Variants in SPRED1 observed in about 807,000 individuals in gnomAD.
SPRED1 encodes the protein sprouty related EVH1 domain containing 1, also known as sprouty-related, EVH1 domain-containing protein 1.
Under a neutral mutation model 52.3 loss-of-function variants are expected in SPRED1, and 18 were observed. The ratio of observed to expected loss-of-function variants is 0.34; its 90% confidence interval spans 0.24 to 0.51. The LOEUF is 0.51. SPRED1 is among the 20% of genes least tolerant of loss of function. The probability of loss-of-function intolerance (pLI) is 0.97; values close to 1 mark genes in which losing one functional copy is unlikely to be tolerated. For synonymous variants in SPRED1, 155 were observed against 179.7 expected, an observed-to-expected ratio of 0.86 and a Z score of 1.10; for missense variants, 485 against 551.0, an observed-to-expected ratio of 0.88 and a Z score of 1.20.
In SPRED1 at chr15:38,339,813, C is replaced by T. The variant is rs1895994061; in HGVS notation, c.500C>T (p.Pro167Leu). The T allele has an allele frequency of 5.6e-6, 9 of 1,613,840 alleles. No individual in the cohort carries two copies. Among genetic ancestry groups the T allele is most frequent in the Non-Finnish European group, 5.9e-6 (7 of 1,179,880 alleles). The change falls in exon 5 of 7, where the codon CCT (proline) becomes CTT (leucine). Residue 167 changes from proline to leucine, a missense_variant. Physicochemically the swap from Pro to Leu is moderately conservative, Grantham distance 98. Around this residue, in one of 5 missense-constraint regions of SPRED1, gnomAD observed 232 missense variants for 231.8 expected, o/e 1.00. Coordinates refer to ENST00000299084, the MANE Select transcript of SPRED1 (RefSeq NM_152594.3). ...CAAGAGACAGTTGTTACCAGTGAGC[C>T]TTATAGAAGCTCAAATATAAGACCT... ...FQQETVVTSE[P>L]YRSSNIRPSP...
At chr15:38,308,939 C>T (rs1253806390) in intron 2 of SPRED1, among the ~76,000 whole-genome samples, 2 of 152,130 alleles carry the variant, frequency 1.3e-5, no homozygotes, top group African/African-American at 4.8e-5. Flanking sequence ...CACATTGCCA[C>T]CAGCGGTTTA....
At chr15:38,322,170 T>G in intron 2 of SPRED1, 71 bp from the exon 3 acceptor site, 1 of 1,443,770 alleles carries the variant, frequency 6.9e-7, no homozygotes, top group Non-Finnish European at 9.7e-7. Context: ...ATCACCTCAG[T>G]TTGTATTTAT....
intron 1 of SPRED1, among the ~76,000 whole-genome samples, chr15:38,298,147 AAAACGCTGTGGGATAC>A (rs1895075752): frequency 6.6e-6 from 1 of 152,186 alleles, no homozygotes; most frequent in Non-Finnish European, 1.5e-5. Context: ...ATAGAAATTT[AAAACGCTGTGGGATAC>A]CACTATATAC....
intron 1 of SPRED1, among the ~76,000 whole-genome samples, chr15:38,290,736 C>G (rs1038089609): frequency 2.6e-5 from 4 of 152,162 alleles, no homozygotes; most frequent in African/African-American, 9.7e-5. Context: ...TCTCCTGAGA[C>G]TTATTCCCTA....
chr15:38,266,890 G>A (rs1369882584), intron 1 of SPRED1, among the ~76,000 whole-genome samples: 2 of 151,984 alleles, frequency 1.3e-5, no homozygotes, highest in Admixed American at 6.6e-5. Context: ...TTTTGAGTCC[G>A]AACTGTGTTT....
At chr15:38,323,542 A>G (rs1441012326) in intron 3 of SPRED1, among the ~76,000 whole-genome samples, 1 of 151,950 alleles carries the variant, frequency 6.6e-6, no homozygotes, top group Non-Finnish European at 1.5e-5. Context: ...TTTTTCAAAA[A>G]CTCCAAGAAA....
intron 1 of SPRED1, among the ~76,000 whole-genome samples, chr15:38,279,019 G>C (rs547474062): frequency 1.3e-4 from 20 of 152,074 alleles, no homozygotes; most frequent in African/African-American, 4.3e-4. Context: ...CTAGAGACAG[G>C]GTTTCACCAT....
chr15:38,341,867 A>G (rs527299968), intron 5 of SPRED1, among the ~76,000 whole-genome samples: 102 of 152,064 alleles, frequency 6.7e-4, no homozygotes, highest in African/African-American at 2.3e-3. Flanking sequence ...TCATTATGAG[A>G]TATCCTCTTT....
intron 1 of SPRED1, among the ~76,000 whole-genome samples, chr15:38,272,040 A>G (rs1456500504): frequency 6.6e-6 from 1 of 152,094 alleles, no homozygotes; most frequent in East Asian, 1.9e-4. Flanking sequence ...ACTTAGGATA[A>G]TGGCCTCCAG....
chr15:38,297,676 AATT>A (rs1895066755), intron 1 of SPRED1, among the ~76,000 whole-genome samples: 1 of 49,538 alleles, frequency 2.0e-5, no homozygotes, highest in African/African-American at 6.4e-5. Flanking sequence ...ATGAAAATTC[AATT>A]ATTTCCCAGA....
chr15:38,299,978 G>A (rs951195202), intron 2 of SPRED1, among the ~76,000 whole-genome samples: 1 of 152,074 alleles, frequency 6.6e-6, no homozygotes, highest in African/African-American at 2.4e-5. Flanking sequence ...TAATAATTTT[G>A]TGTAACATAA....
chr15:38,333,970 A>C (rs1266477594), intron 4 of SPRED1, among the ~76,000 whole-genome samples: 2 of 152,116 alleles, frequency 1.3e-5, no homozygotes, highest in Admixed American at 1.3e-4. Flanking sequence ...CATACGGAGT[A>C]GGTTGATAAT....
rs1862245325 is a variant in SPRED1 at position 38,319,022 on chromosome 15, A to G, written c.208-3219A>G. Among the ~76,000 whole-genome samples the G allele has an allele frequency of 5.3e-5, 8 of 152,198 alleles. No individual in the cohort carries two copies. The South Asian group carries it at 8.3e-4, about 16-fold the overall frequency. ...TTTATTTGAGAGTTAATAGTTGAAA[A>G]TATTAATTTTGTAAAATAGAAGAGG... On this transcript the variant is annotated intron_variant, in intron 2 of 6. Transcript: ENST00000299084.
At chr15:38,327,375 TC>T (rs1895726741) in intron 4 of SPRED1, among the ~76,000 whole-genome samples, 1 of 152,196 alleles carries the variant, frequency 6.6e-6, no homozygotes, top group South Asian at 2.1e-4. Context: ...ATTCCCCTCT[TC>T]CTGAGTGTAG....
intron 1 of SPRED1, among the ~76,000 whole-genome samples, chr15:38,269,905 C>CTTTTTTT (rs10566946): frequency 3.3e-5 from 3 of 92,002 alleles, no homozygotes; most frequent in African/African-American, 7.7e-5. Context: ...TTCTTTCTTT[C>CTTTTTTT]TTTTTTTTTT....
At chr15:38,321,560 C>T (rs944532365) in intron 2 of SPRED1, among the ~76,000 whole-genome samples, 5 of 152,056 alleles carry the variant, frequency 3.3e-5, no homozygotes. Flanking sequence ...AATATAAATA[C>T]GTCTTTTAAG....
chr15:38,337,958 T>G (rs1168082190), intron 4 of SPRED1, among the ~76,000 whole-genome samples: 1 of 150,398 alleles, frequency 6.6e-6, no homozygotes, highest in Non-Finnish European at 1.5e-5. Context: ...CCCAGCACTT[T>G]GGGAGGCCGA....
At chr15:38,321,270 C>T (rs1277172305) in intron 2 of SPRED1, among the ~76,000 whole-genome samples, 1 of 152,060 alleles carries the variant, frequency 6.6e-6, no homozygotes, top group Non-Finnish European at 1.5e-5. Flanking sequence ...CAGGAATTTT[C>T]TGTGTTATTC....
intron 2 of SPRED1, among the ~76,000 whole-genome samples, chr15:38,314,642 G>A (rs1473922302): frequency 6.6e-6 from 1 of 151,814 alleles, no homozygotes; most frequent in East Asian, 1.9e-4. Flanking sequence ...TGGAGTATGG[G>A]AACTGTAGAT....
Sources: gnomAD v4.1 joint callset for allele counts (sites outside exome capture counted in the v4.1 genomes callset) on GRCh38, gnomAD v4.1.1 for gene constraint, gnomAD v4.1.1 regional missense constraint, MANE v1.5 for transcripts, NCBI Gene and HGNC (gene_info 2026-07-23, HGNC 2026-07-21) for gene names.